CACNA2D1: variants seen among roughly 807,000 people sequenced by gnomAD.
CACNA2D1 encodes calcium voltage-gated channel auxiliary subunit alpha2delta 1.
A neutral mutation model predicts 171.5 loss-of-function variants in CACNA2D1; 53 were observed. The ratio of observed to expected loss-of-function variants is 0.31; its 90% confidence interval spans 0.25 to 0.39. The LOEUF is 0.39. CACNA2D1 is among the 10% of genes least tolerant of loss of function. The pLI, the probability that CACNA2D1 is intolerant of heterozygous loss-of-function variation, is 1.00. For missense variants in CACNA2D1, 903 were observed against 1,299.8 expected (o/e 0.69, Z 4.69); for synonymous variants, 442 against 443.1 (o/e 1.00, Z 0.03).
rs1554495183 is a variant in CACNA2D1, at chr7:82,282,713, G to GA, written c.294+52421dup. On this transcript the variant is annotated intron_variant, in intron 3 of 38. Coordinates refer to ENST00000356860, the MANE Select transcript of CACNA2D1 (RefSeq NM_000722.4). ...ATAAAATTGTAAAATGTGGGGGGGG[G>GA]AATCACAGAGGGTTATCTATAAAAA... 4.5e-3 allele frequency among the ~76,000 whole-genome samples: 653 copies of GA among 145,078 alleles called. 14 individuals carry two copies. In the East Asian group the frequency reaches 0.076, roughly 17 times the overall value.
chr7:82,207,795 A>G (rs114410878), intron 3 of CACNA2D1, among the ~76,000 whole-genome samples: 2,437 of 152,312 alleles, frequency 0.016, 70 homozygotes, highest in African/African-American at 0.05. Context: ...TGCCCATTTT[A>G]ATTTAATTCT....
chr7:82,115,881 A>T (rs1363311188), intron 6 of CACNA2D1, among the ~76,000 whole-genome samples: 3 of 152,180 alleles, frequency 2.0e-5, no homozygotes, highest in African/African-American at 7.2e-5. Flanking sequence ...ATTTAAATAC[A>T]TTAAACTTGC....
chr7:82,405,364 T>A (rs772497349), intron 1 of CACNA2D1, among the ~76,000 whole-genome samples: 3 of 152,210 alleles, frequency 2.0e-5, no homozygotes, highest in Non-Finnish European at 4.4e-5. Flanking sequence ...AAAATGTAGA[T>A]ATCTAACTAA....
intron 3 of CACNA2D1, among the ~76,000 whole-genome samples, chr7:82,322,271 A>G (rs1816071831): frequency 6.6e-6 from 1 of 151,830 alleles, no homozygotes; most frequent in African/African-American, 2.4e-5. Context: ...ACTGCAAGAG[A>G]TGAAAAGACC....
intron 9 of CACNA2D1, among the ~76,000 whole-genome samples, chr7:82,061,217 A>G (rs1346563058): frequency 6.6e-6 from 1 of 152,078 alleles, no homozygotes; most frequent in Non-Finnish European, 1.5e-5. Flanking sequence ...TTTCATTCCT[A>G]TTTATGTTCT....
chr7:82,114,534 G>A (rs1017782186), intron 6 of CACNA2D1, among the ~76,000 whole-genome samples: 2 of 152,134 alleles, frequency 1.3e-5, no homozygotes, highest in African/African-American at 4.8e-5. Flanking sequence ...CACGAGGTCA[G>A]GAGTTTGAGA....
In CACNA2D1 at chr7:81,961,999, G is replaced by T; in HGVS notation, c.2861C>A (p.Thr954Lys). The T allele has an allele frequency of 6.2e-7, 1 of 1,612,206 alleles. No individual in the cohort carries two copies. Among genetic ancestry groups the T allele is most frequent in the Non-Finnish European group, 8.5e-7 (1 of 1,178,832 alleles). Reference protein sequence around the residue: ...EAVEMEDDDFTASLSKQSCIT... With the variant: ...EAVEMEDDDFKASLSKQSCIT... ...GCAGCTCTGCTTGGACAGGGAGGCC[G>T]TGAAGTCATCATCCTCCATCTCAAC... Residue 954 changes from threonine (T) to lysine (K), a missense_variant, in exon 36 of 39, where the codon ACG becomes AAG. Coordinates refer to ENST00000356860, the MANE Select transcript of CACNA2D1 (RefSeq NM_000722.4).
chr7:82,111,402 A>G (rs1468840901), intron 6 of CACNA2D1, among the ~76,000 whole-genome samples: 10 of 88,694 alleles, frequency 1.1e-4, no homozygotes, highest in East Asian at 4.4e-4. Flanking sequence ...ATGTATATAT[A>G]TATTCATATA....
intron 3 of CACNA2D1, among the ~76,000 whole-genome samples, chr7:82,329,128 G>GA (rs145907342): frequency 1.8e-4 from 27 of 146,654 alleles, no homozygotes; most frequent in African/African-American, 3.2e-4. Flanking sequence ...AAGAGTTAAA[G>GA]AAAAAAAAAA....
chr7:82,122,505 T>C (rs137871155), intron 5 of CACNA2D1, among the ~76,000 whole-genome samples: 1 of 152,208 alleles, frequency 6.6e-6, no homozygotes, highest in Non-Finnish European at 1.5e-5. Context: ...CCATTAGCAA[T>C]ACAATACAGT....
chr7:82,029,532 C>T (rs188098733), intron 12 of CACNA2D1: 1 of 151,658 alleles, frequency 6.6e-6, no homozygotes. Context: ...GCAAATTTGC[C>T]ATGATTTAAA....
At chr7:82,108,934 T>C (rs76526465) in intron 6 of CACNA2D1, among the ~76,000 whole-genome samples, 1 of 152,202 alleles carries the variant, frequency 6.6e-6, no homozygotes, top group African/African-American at 2.4e-5. Flanking sequence ...ATGTTAATTA[T>C]GTAAGCTAAT....
intron 4 of CACNA2D1, among the ~76,000 whole-genome samples, chr7:82,153,662 C>T (rs992703533): frequency 2.6e-5 from 4 of 152,048 alleles, no homozygotes; most frequent in African/African-American, 7.2e-5. Context: ...ACTATAGCTT[C>T]GTATGACTAC....
intron 3 of CACNA2D1, among the ~76,000 whole-genome samples, chr7:82,200,581 C>G (rs1232188510): frequency 6.6e-6 from 1 of 152,062 alleles, no homozygotes; most frequent in Non-Finnish European, 1.5e-5. Flanking sequence ...CCATGGTACT[C>G]TTTTTTTGTG....
intron 10 of CACNA2D1, among the ~76,000 whole-genome samples, chr7:82,046,132 T>C (rs1248082048): frequency 6.6e-6 from 1 of 152,160 alleles, no homozygotes; most frequent in East Asian, 1.9e-4. Context: ...TATTCATTAA[T>C]TCCAAATATC....
intron 3 of CACNA2D1, among the ~76,000 whole-genome samples, chr7:82,205,922 T>A (rs144922167): frequency 6.6e-6 from 1 of 152,138 alleles, no homozygotes; most frequent in Non-Finnish European, 1.5e-5. Context: ...TTGATAGATA[T>A]ATAACTTAAA....
At chr7:82,292,178 T>C (rs1811726806) in intron 3 of CACNA2D1, among the ~76,000 whole-genome samples, 1 of 152,164 alleles carries the variant, frequency 6.6e-6, no homozygotes, top group Non-Finnish European at 1.5e-5. Flanking sequence ...TTGATTTCCC[T>C]GGAGTTATAC....
chr7:82,400,908 C>T (rs1191980505), intron 1 of CACNA2D1, among the ~76,000 whole-genome samples: 2 of 152,068 alleles, frequency 1.3e-5, no homozygotes, highest in Non-Finnish European at 2.9e-5. Context: ...CATGAACAGA[C>T]ACTTCTCAAA....
intron 10 of CACNA2D1, among the ~76,000 whole-genome samples, chr7:82,053,078 C>T (rs1314469524): frequency 6.6e-6 from 1 of 151,920 alleles, no homozygotes; most frequent in African/African-American, 2.4e-5. Flanking sequence ...GGGTGAAACC[C>T]CGTCTCTACT....
Sources: gnomAD v4.1 joint callset for allele counts (sites outside exome capture counted in the v4.1 genomes callset) on GRCh38, gnomAD v4.1.1 for gene constraint, MANE v1.5 for transcripts, NCBI Gene and HGNC (gene_info 2026-07-23, HGNC 2026-07-21) for gene names.